STK32B: variants seen among roughly 807,000 people sequenced by gnomAD.
STK32B encodes serine/threonine-protein kinase 32B.
In STK32B, 43 loss-of-function variants were observed where a neutral mutation model predicts 52.6. The observed-to-expected ratio is 0.82, with a 90% CI of 0.64 to 1.05. The LOEUF (loss-of-function observed/expected upper bound fraction) is 1.05. Ranked by LOEUF, STK32B falls within the 50% of genes least tolerant of loss-of-function variation. The pLI is 0.00. For synonymous variants in STK32B, 238 were observed against 204.3 expected, an observed-to-expected ratio of 1.17 and a Z score of -1.41; for missense variants, 621 against 534.6, an observed-to-expected ratio of 1.16 and a Z score of -1.59.
intron 1 of STK32B, among the ~76,000 whole-genome samples, chr4:5,118,099 C>T (rs1052427660): frequency 6.6e-6 from 1 of 152,112 alleles, no homozygotes; most frequent in Non-Finnish European, 1.5e-5. Flanking sequence ...CCTTTCTCTT[C>T]AATTTTTTGG....
At chr4:5,471,837 T>G (rs1282082528) in intron 11 of STK32B, among the ~76,000 whole-genome samples, 1 of 152,206 alleles carries the variant, frequency 6.6e-6, no homozygotes, top group African/African-American at 2.4e-5. Flanking sequence ...TCTGACTCCC[T>G]TGCCCTTAGG....
At chr4:5,331,433 C>G in intron 4 of STK32B, 40 bp downstream of exon 4, 1 of 1,577,500 alleles carries the variant, frequency 6.3e-7, no homozygotes, top group South Asian at 1.2e-5. Context: ...ACAGAGGGAC[C>G]ATGGGCTAGG....
At chr4:5,270,716 A>G (rs1727368786) in intron 3 of STK32B, among the ~76,000 whole-genome samples, 1 of 152,236 alleles carries the variant, frequency 6.6e-6, no homozygotes, top group Non-Finnish European at 1.5e-5. Flanking sequence ...GTAAGGCAAG[A>G]AAAAGAAATA....
chr4:5,180,830 T>C (rs897038194), intron 3 of STK32B, among the ~76,000 whole-genome samples: 2 of 152,222 alleles, frequency 1.3e-5, no homozygotes, highest in African/African-American at 4.8e-5. Flanking sequence ...ATAGCAATTT[T>C]TGCCTCTAAA....
chr4:5,211,602 G>A (rs542879241), intron 3 of STK32B, among the ~76,000 whole-genome samples: 2 of 152,152 alleles, frequency 1.3e-5, no homozygotes, highest in Non-Finnish European at 2.9e-5. Context: ...AAGCTTATTT[G>A]CTTGCGGAAT....
chr4:5,456,924 G>T lies in STK32B; in HGVS notation c.783+1G>T. 1 of 1,534,712 alleles carries T rather than the reference G, an allele frequency of 6.5e-7. No individual in the cohort carries two copies. Among genetic ancestry groups the T allele is most frequent in the Non-Finnish European group, 8.8e-7 (1 of 1,136,936 alleles). On this transcript the variant is annotated splice_donor_variant, in intron 8 of 11. Transcript: ENST00000282908. LOFTEE classifies it high-confidence loss of function. ...GGGGATGGTGGCCCTGCTGAGGAAG[G>T]TAAGGGGGCAGCTTCCAGCCTGCCC...
intron 1 of STK32B, among the ~76,000 whole-genome samples, chr4:5,111,668 A>T (rs1169354435): frequency 6.6e-6 from 1 of 152,116 alleles, no homozygotes; most frequent in Non-Finnish European, 1.5e-5. Flanking sequence ...CAATATATGG[A>T]TGATGGGTAC....
At chr4:5,037,080 T>A in the STK32B span, among the ~76,000 whole-genome samples, 2 of 152,176 alleles carry the variant, frequency 1.3e-5, no homozygotes, top group Non-Finnish European at 2.9e-5. Flanking sequence ...TTGACCCTAT[T>A]GACACTTTGG....
intron 6 of STK32B, chr4:5,436,462 G>T: frequency 2.9e-6 from 1 of 344,590 alleles, no homozygotes; most frequent in Non-Finnish European, 4.1e-6. Flanking sequence ...CACCGTGATG[G>T]GAAGATCTTT....
intron 4 of STK32B, among the ~76,000 whole-genome samples, chr4:5,347,046 C>A (rs79535687): frequency 0.023 from 3,578 of 152,302 alleles, 96 homozygotes; most frequent in East Asian, 0.11. Context: ...GATCTGGTCA[C>A]CTCCCACTAG....
At chr4:5,464,764 T>C (rs1203978714) in intron 9 of STK32B, among the ~76,000 whole-genome samples, 5 of 152,148 alleles carry the variant, frequency 3.3e-5, no homozygotes, top group African/African-American at 4.8e-5. Flanking sequence ...CAGTGAGAAA[T>C]TGAGAGTTTG....
At chr4:5,266,792 T>C (rs1308349710) in intron 3 of STK32B, among the ~76,000 whole-genome samples, 1 of 152,170 alleles carries the variant, frequency 6.6e-6, no homozygotes, top group Non-Finnish European at 1.5e-5. Flanking sequence ...TCTTGTGTCT[T>C]TGCAGAGAAT....
intron 5 of STK32B, among the ~76,000 whole-genome samples, chr4:5,415,220 A>G (rs991062072): frequency 3.3e-5 from 5 of 152,208 alleles, no homozygotes; most frequent in Admixed American, 2.0e-4. Context: ...TACTTTCTGC[A>G]TGTCACCATC....
chr4:5,440,454 T>C (rs891000988), intron 6 of STK32B, among the ~76,000 whole-genome samples: 8 of 152,224 alleles, frequency 5.3e-5, no homozygotes, highest in African/African-American at 1.7e-4. Context: ...ACATTGATTT[T>C]GTATCCTGAG....
intron 1 of STK32B, among the ~76,000 whole-genome samples, chr4:5,064,689 A>G (rs56146633): frequency 5.1e-5 from 1 of 19,614 alleles, no homozygotes; most frequent in Non-Finnish European, 8.5e-5. Flanking sequence ...ATACATATAT[A>G]ATATATAAAT....
intron 11 of STK32B, among the ~76,000 whole-genome samples, chr4:5,490,113 T>C (rs1719591072): frequency 1.5e-5 from 1 of 68,466 alleles, no homozygotes; most frequent in African/African-American, 4.1e-5. Flanking sequence ...AAGTAGGCAT[T>C]TTTTTTTTTT....
At chr4:5,487,623 C>T (rs572656943) in intron 11 of STK32B, among the ~76,000 whole-genome samples, 59 of 152,232 alleles carry the variant, frequency 3.9e-4, no homozygotes, top group African/African-American at 1.4e-3. Flanking sequence ...TACAACTTGA[C>T]CAAAAAGCTG....
At position 5,055,157 on chromosome 4, in the gene STK32B, T is replaced by G. The variant is rs571272764; in HGVS notation, c.52+3242T>G. On this transcript the variant is annotated intron_variant, in intron 1 of 11. Transcript: ENST00000282908. ...CAGGCTGGAGGGCAGTGGTGGGATC[T>G]TAGCTCACTGCAGCCTCAACTTCCC... Among the ~76,000 whole-genome samples, 4 of 152,256 alleles carry G rather than the reference T, an allele frequency of 2.6e-5. No individual in the cohort carries two copies. In the East Asian group the frequency reaches 7.7e-4, roughly 29 times the overall value.
chr4:5,428,887 A>C (rs1158924765), intron 6 of STK32B, among the ~76,000 whole-genome samples: 1 of 152,188 alleles, frequency 6.6e-6, no homozygotes. Context: ...GCTTTGCCTG[A>C]TATTAATACA....
Sources: gnomAD v4.1 joint callset for allele counts (sites outside exome capture counted in the v4.1 genomes callset) on GRCh38, gnomAD v4.1.1 for gene constraint, MANE v1.5 for transcripts, NCBI Gene and HGNC (gene_info 2026-07-23, HGNC 2026-07-21) for gene names.